Variants in CENPP observed in about 807,000 individuals in gnomAD.
The protein encoded by CENPP is centromere protein P.
A neutral mutation model predicts 35.6 loss-of-function variants in CENPP; 24 were observed. The ratio of observed to expected loss-of-function variants is 0.67; its 90% CI spans 0.49 to 0.95. The LOEUF is 0.95. Among genes scored for constraint, CENPP ranks in the 40% least tolerant of loss-of-function variants. The pLI is 0.00. For missense variants in CENPP, 332 were observed against 345.3 expected (o/e 0.96, Z 0.31); for synonymous variants, 120 against 125.5 (o/e 0.96, Z 0.29).
intron 5 of CENPP, among the ~76,000 whole-genome samples, chr9:92,398,210 C>T (rs1238098788): frequency 6.6e-6 from 1 of 152,136 alleles, no homozygotes; most frequent in East Asian, 1.9e-4. Context: ...TTAACAGTTA[C>T]TTAGAGTTTT....
intron 5 of CENPP, 48 bp downstream of exon 5, chr9:92,379,907 G>C (rs991965625): frequency 1.8e-6 from 2 of 1,136,678 alleles, no homozygotes; most frequent in African/African-American, 3.1e-5. Flanking sequence ...AAACAAAGCT[G>C]ATATTAATTG....
intron 5 of CENPP, among the ~76,000 whole-genome samples, chr9:92,603,437 C>G (rs1326302151): frequency 6.6e-6 from 1 of 152,206 alleles, no homozygotes; most frequent in East Asian, 1.9e-4. Flanking sequence ...TGAAGTTTAT[C>G]ATACTTCTCT....
In CENPP at chr9:92,527,906, C is replaced by T. The variant is rs564391088; in HGVS notation, c.565-83408C>T. ...ATGAGCATGGTTTTGTGGAGATCAC[C>T]TTCCCTGTATTGCCATAACAACATT... On this transcript the variant is annotated intron_variant, in intron 5 of 7. Coordinates refer to ENST00000375587, the MANE Select transcript of CENPP (RefSeq NM_001012267.3). The T allele has an allele frequency of 5.3e-4, 82 of 154,266 alleles. 2 individuals carry two copies. In the Middle Eastern group the frequency reaches 0.021, roughly 40 times the overall value. The allele number at this position is 154,266 out of a possible 1,614,324, so 9.6% of individuals were successfully genotyped here. A position where few individuals can be genotyped will look rare whatever the true frequency, so the allele number is the denominator to read the frequency against.
chr9:92,485,529 G>GTTT (rs1846034365), intron 5 of CENPP, among the ~76,000 whole-genome samples: 4 of 152,042 alleles, frequency 2.6e-5, no homozygotes, highest in Non-Finnish European at 5.9e-5. Flanking sequence ...GCTAACCATC[G>GTTT]TGAAAATAAA....
chr9:92,465,799 A>G (rs116286022), intron 5 of CENPP, among the ~76,000 whole-genome samples: 2,391 of 152,184 alleles, frequency 0.016, 51 homozygotes, highest in African/African-American at 0.055. Context: ...GGGTCTGGTC[A>G]GAAACAGAAA....
At chr9:92,569,098 G>A (rs1186465221) in intron 5 of CENPP, among the ~76,000 whole-genome samples, 1 of 152,184 alleles carries the variant, frequency 6.6e-6, no homozygotes, top group South Asian at 2.1e-4. Flanking sequence ...GATCCCATTT[G>A]TCAATTTTGG....
intron 5 of CENPP, among the ~76,000 whole-genome samples, chr9:92,594,575 C>G (rs1331162916): frequency 1.7e-4 from 26 of 152,166 alleles, no homozygotes; most frequent in Admixed American, 1.7e-3. Context: ...CATCGCCCCT[C>G]AAGTTTTAAA....
At chr9:92,594,717 G>A (rs974820699) in intron 5 of CENPP, among the ~76,000 whole-genome samples, 4 of 152,172 alleles carry the variant, frequency 2.6e-5, no homozygotes, top group Admixed American at 2.6e-4. Context: ...CACTTTGGGA[G>A]GCTGGGGTGG....
chr9:92,441,056 T>C (rs1260370074), intron 5 of CENPP, among the ~76,000 whole-genome samples: 1 of 152,226 alleles, frequency 6.6e-6, no homozygotes, highest in African/African-American at 2.4e-5. Flanking sequence ...ACACTTCTAA[T>C]ATTAAACATT....
intron 4 of CENPP, among the ~76,000 whole-genome samples, chr9:92,352,540 ATAT>A (rs1319119540): frequency 1.9e-5 from 1 of 53,198 alleles, no homozygotes; most frequent in Non-Finnish European, 3.3e-5. Flanking sequence ...TATATATATA[ATAT>A]AACGGGGAGT....
intron 3 of CENPP, among the ~76,000 whole-genome samples, chr9:92,342,979 TAGAAAA>T (rs1460740305): frequency 1.3e-5 from 2 of 152,186 alleles, no homozygotes; most frequent in African/African-American, 4.8e-5. Context: ...TGAAGACTGA[TAGAAAA>T]AGAAATGACA....
At chr9:92,453,211 T>C (rs1192963810) in intron 5 of CENPP, among the ~76,000 whole-genome samples, 1 of 152,036 alleles carries the variant, frequency 6.6e-6, no homozygotes, top group Non-Finnish European at 1.5e-5. Flanking sequence ...ATTTTGGATC[T>C]TTCCTGCTTT....
At chr9:92,375,335 C>T (rs1357179463) in intron 4 of CENPP, among the ~76,000 whole-genome samples, 1 of 151,948 alleles carries the variant, frequency 6.6e-6, no homozygotes, top group African/African-American at 2.4e-5. Context: ...CTCTATTGCC[C>T]AGGCTGGAGC....
intron 5 of CENPP, among the ~76,000 whole-genome samples, chr9:92,434,427 G>C (rs986311622): frequency 2.6e-5 from 4 of 151,264 alleles, no homozygotes; most frequent in Non-Finnish European, 5.9e-5. Flanking sequence ...ATTGGAGATC[G>C]AAATATTTAG....
At chr9:92,355,664 G>T (rs1166638811) in intron 4 of CENPP, among the ~76,000 whole-genome samples, 1 of 152,006 alleles carries the variant, frequency 6.6e-6, no homozygotes, top group Non-Finnish European at 1.5e-5. Context: ...TTACACTGGA[G>T]ACCTAAAAAA....
chr9:92,355,747 C>T (rs1294970706), intron 4 of CENPP, among the ~76,000 whole-genome samples: 1 of 152,176 alleles, frequency 6.6e-6, no homozygotes, highest in Non-Finnish European at 1.5e-5. Flanking sequence ...TTCATAAATA[C>T]TGTAACTACC....
chr9:92,413,541 A>G (rs1230582996), intron 5 of CENPP, among the ~76,000 whole-genome samples: 1 of 152,146 alleles, frequency 6.6e-6, no homozygotes, highest in African/African-American at 2.4e-5. Flanking sequence ...TAAAACACCT[A>G]TAGTATTTTC....
At chr9:92,349,097 T>G (rs1841377613) in intron 4 of CENPP, among the ~76,000 whole-genome samples, 2 of 152,242 alleles carry the variant, frequency 1.3e-5, no homozygotes, top group Non-Finnish European at 2.9e-5. Flanking sequence ...GTTAGACTAT[T>G]TGACATATTG....
rs1851531217 is a variant in CENPP, at chr9:92,618,843, T to A, written c.*5694T>A. 2.8e-6 allele frequency: 1 copy of A among 351,328 alleles called. No homozygotes were observed. The highest frequency in any genetic ancestry group is 5.6e-6 in the Non-Finnish European group (1 of 179,042). The allele number at this position is 351,328 out of a possible 1,614,324, so 21.8% of individuals were successfully genotyped here. On this transcript the variant is annotated 3_prime_UTR_variant, in exon 8 of 8. Coordinates refer to ENST00000375587, the MANE Select transcript of CENPP (RefSeq NM_001012267.3). ...AAGGTCATCTTGACCCAGGAACACATGTTAGAAGAATGTGGAACATTCCGC... is the reference window on the plus strand; with the variant it reads ...AAGGTCATCTTGACCCAGGAACACAAGTTAGAAGAATGTGGAACATTCCGC...
Sources: allele counts gnomAD v4.1 joint callset (sites outside exome capture counted in the v4.1 genomes callset), GRCh38; gene constraint gnomAD v4.1.1; transcripts MANE v1.5; gene names NCBI Gene and HGNC (gene_info 2026-07-23, HGNC 2026-07-21).